Variants in RELN observed in about 807,000 individuals in gnomAD.
The protein encoded by RELN is reelin.
RELN carries 108 observed loss-of-function variants against 427.6 expected under a neutral mutation model. That is an observed-to-expected ratio of 0.25 (90% CI 0.22 to 0.30). RELN has a LOEUF of 0.30. RELN is among the 10% of genes least tolerant of loss of function. RELN has a pLI of 1.00. For missense variants in RELN, 3,715 were observed against 4,302.8 expected (o/e 0.86, Z 3.82); for synonymous variants, 1,524 against 1,513.4 (o/e 1.01, Z -0.16).
rs553260781 is a variant in RELN at position 103,870,919 on chromosome 7, C to T, written c.338-37247G>A. On this transcript the variant is annotated intron_variant, in intron 2 of 64. Transcript: ENST00000428762. ...CAGATTCCTGCCAATTCACCTGTCT[C>T]GAATTGTGATCTCTACCTCTTCATC... Among the ~76,000 whole-genome samples the T allele has an allele frequency of 1.6e-4, 24 of 152,196 alleles. 1 individual carries two copies. Among genetic ancestry groups the T allele is most frequent in the South Asian group, 4.1e-4 (2 of 4,820 alleles).
At chr7:103,799,396 A>G (rs1052517534) in intron 3 of RELN, among the ~76,000 whole-genome samples, 1 of 152,152 alleles carries the variant, frequency 6.6e-6, no homozygotes, top group African/African-American at 2.4e-5. Flanking sequence ...CCCTGTGGGA[A>G]GAGAGCAGTG....
intron 5 of RELN, among the ~76,000 whole-genome samples, chr7:103,749,903 G>A (rs1790952411): frequency 6.6e-6 from 1 of 152,168 alleles, no homozygotes; most frequent in South Asian, 2.1e-4. Flanking sequence ...TGGAAGGGAC[G>A]GTGGGAGGTA....
At position 103,534,682 on chromosome 7, in the gene RELN, G is replaced by T. The variant is rs188355830; in HGVS notation, c.7349+634C>A. On this transcript the variant is annotated intron_variant, in intron 46 of 64. Transcript: ENST00000428762. ...TTTTAATTTTTTTTGTAGAGATGGG[G>T]TCTCGCTGTTGTTTCCCAGGCTAGT... Among the ~76,000 whole-genome samples the T allele has an allele frequency of 2.0e-5, 3 of 151,978 alleles. No individual in the cohort carries two copies. In the East Asian group the frequency reaches 5.8e-4, roughly 29 times the overall value.
chr7:103,712,945 TA>T (rs1270388211), intron 8 of RELN, among the ~76,000 whole-genome samples: 2 of 152,158 alleles, frequency 1.3e-5, no homozygotes, highest in Non-Finnish European at 2.9e-5. Context: ...TAAATCACAG[TA>T]GAATGCAATA....
At chr7:103,685,245 T>C (rs1398087943) in intron 10 of RELN, among the ~76,000 whole-genome samples, 1 of 152,186 alleles carries the variant, frequency 6.6e-6, no homozygotes, top group African/African-American at 2.4e-5. Flanking sequence ...TCGATTTTAA[T>C]ACCCAGCTAT....
chr7:103,858,457 C>G (rs995106150), intron 2 of RELN, among the ~76,000 whole-genome samples: 1 of 151,984 alleles, frequency 6.6e-6, no homozygotes, highest in Non-Finnish European at 1.5e-5. Flanking sequence ...ATTTGAGTAA[C>G]CAAGCCAAAT....
At chr7:103,983,310 C>T (rs1797030092) in intron 1 of RELN, among the ~76,000 whole-genome samples, 1 of 152,180 alleles carries the variant, frequency 6.6e-6, no homozygotes, top group South Asian at 2.1e-4. Context: ...AAATAATTGG[C>T]TAACCTATAG....
intron 3 of RELN, among the ~76,000 whole-genome samples, chr7:103,810,547 G>A (rs930289398): frequency 2.3e-4 from 35 of 152,218 alleles, no homozygotes; most frequent in African/African-American, 7.7e-4. Flanking sequence ...CAGCAGAGCC[G>A]ATCACAGGAC....
intron 1 of RELN, among the ~76,000 whole-genome samples, chr7:103,960,375 C>A (rs1420850382): frequency 6.6e-6 from 1 of 152,210 alleles, no homozygotes; most frequent in Non-Finnish European, 1.5e-5. Flanking sequence ...TCTCTTTCAA[C>A]TCTTTATTCA....
intron 4 of RELN, among the ~76,000 whole-genome samples, chr7:103,755,770 A>C (rs952484619): frequency 4.2e-5 from 6 of 142,368 alleles, no homozygotes; most frequent in African/African-American, 1.6e-4. Context: ...AGCTGATCGC[A>C]CAACCGCACT....
intron 22 of RELN, among the ~76,000 whole-genome samples, chr7:103,607,289 T>G (rs940056877): frequency 1.3e-5 from 2 of 152,152 alleles, no homozygotes; most frequent in Admixed American, 1.3e-4. Flanking sequence ...GTGCTAATGT[T>G]AATTAAGAGA....
intron 1 of RELN, among the ~76,000 whole-genome samples, chr7:103,973,392 A>C (rs1028906965): frequency 2.0e-5 from 3 of 152,238 alleles, no homozygotes; most frequent in East Asian, 1.9e-4. Context: ...AAAAATATTT[A>C]TGTAAATATT....
intron 28 of RELN, among the ~76,000 whole-genome samples, chr7:103,577,988 A>C (rs1831043130): frequency 6.6e-6 from 1 of 152,124 alleles, no homozygotes; most frequent in Non-Finnish European, 1.5e-5. Flanking sequence ...CAGCTGCCCC[A>C]TTTCATGGAA....
intron 1 of RELN, among the ~76,000 whole-genome samples, chr7:103,966,925 T>C (rs1369492130): frequency 6.6e-6 from 1 of 152,236 alleles, no homozygotes; most frequent in Non-Finnish European, 1.5e-5. Context: ...AATTCAGATG[T>C]TGGGGTCACT....
chr7:103,848,661 C>A (rs1793740238), intron 2 of RELN, among the ~76,000 whole-genome samples: 1 of 152,108 alleles, frequency 6.6e-6, no homozygotes, highest in Non-Finnish European at 1.5e-5. Context: ...GACACGCCTT[C>A]ACCCCAGAAA....
chr7:103,633,652 C>T (rs969017710), intron 19 of RELN, among the ~76,000 whole-genome samples: 3 of 151,992 alleles, frequency 2.0e-5, no homozygotes, highest in Non-Finnish European at 4.4e-5. Flanking sequence ...ATTAAACGCG[C>T]CTTTGCAATA....
intron 36 of RELN, among the ~76,000 whole-genome samples, chr7:103,558,348 T>A (rs951300718): frequency 1.3e-5 from 2 of 152,278 alleles, no homozygotes; most frequent in African/African-American, 2.4e-5. Context: ...AGGCCTTTTT[T>A]AAAAACAGCC....
chr7:103,475,356 C>G lies in RELN; in HGVS notation c.10287-2448G>C, dbSNP rs541105986. Among the ~76,000 whole-genome samples, 4 of 152,224 alleles carry G rather than the reference C, an allele frequency of 2.6e-5. No homozygotes were observed. The East Asian group carries it at 5.8e-4, about 22-fold the overall frequency. ...AACTCCCCCCACCCCCGCACCATAG[C>G]ACTGAGCCTCCTGCCTGACCCGTGC... is the stretch of plus-strand genomic sequence containing the variant. On this transcript the variant is annotated intron_variant, in intron 64 of 64. Coordinates refer to ENST00000428762, the MANE Select transcript of RELN (RefSeq NM_005045.4).
In RELN at chr7:103,830,627, T is replaced by C. The variant is rs144872187; in HGVS notation, c.473+2910A>G. ...ACAGATACTAACTCTTATATATAGC[T>C]CTACTCAATATGTAATAAATATTAC... On this transcript the variant is annotated intron_variant, in intron 3 of 64. Coordinates refer to ENST00000428762, the MANE Select transcript of RELN (RefSeq NM_005045.4). Among the ~76,000 whole-genome samples, 695 of 152,078 alleles carry C rather than the reference T, an allele frequency of 4.6e-3. 17 individuals are homozygous for C. Among genetic ancestry groups the C allele is most frequent in the East Asian group, 2.5e-3 (13 of 5,186 alleles).
Sources: allele counts gnomAD v4.1 joint callset (sites outside exome capture counted in the v4.1 genomes callset), GRCh38; gene constraint gnomAD v4.1.1; transcripts MANE v1.5; gene names NCBI Gene and HGNC (gene_info 2026-07-23, HGNC 2026-07-21).